Variants in EBF1 observed in about 807,000 individuals in gnomAD.
EBF1 encodes transcription factor COE1.
EBF1 carries 10 observed loss-of-function variants against 68.4 expected under a neutral mutation model. That is an observed-to-expected ratio of 0.15 (90% CI 0.09 to 0.25). The LOEUF (loss-of-function observed/expected upper bound fraction) is 0.25, where lower values mean the gene tolerates loss of function less well. EBF1 is among the 10% of genes least tolerant of loss of function. The pLI is 1.00. For missense variants in EBF1, 509 were observed against 794.4 expected (o/e 0.64, Z 4.32); for synonymous variants, 298 against 299.8 (o/e 0.99, Z 0.06).
At chr5:158,802,228 A>G (rs1483498516) in intron 8 of EBF1, among the ~76,000 whole-genome samples, 3 of 152,100 alleles carry the variant, frequency 2.0e-5, no homozygotes, top group Non-Finnish European at 1.5e-5. Context: ...TTCAGCATTT[A>G]TCATATCTTA....
intron 6 of EBF1, among the ~76,000 whole-genome samples, chr5:159,006,085 C>T (rs184651119): frequency 7.6e-4 from 115 of 152,258 alleles, no homozygotes; most frequent in Non-Finnish European, 1.3e-3. Flanking sequence ...TTATGGATAA[C>T]GGTATAGAGG....
chr5:158,752,231 A>G (rs1028922228), intron 10 of EBF1, among the ~76,000 whole-genome samples: 1 of 151,842 alleles, frequency 6.6e-6, no homozygotes, highest in Non-Finnish European at 1.5e-5. Context: ...AAGAACTAGG[A>G]TTGAAGTATC....
At chr5:159,073,016 T>C (rs976567428) in intron 6 of EBF1, among the ~76,000 whole-genome samples, 10 of 152,228 alleles carry the variant, frequency 6.6e-5, no homozygotes, top group Admixed American at 6.5e-5. Flanking sequence ...AAAGTGATAA[T>C]GATTCAAACA....
intron 6 of EBF1, among the ~76,000 whole-genome samples, chr5:158,925,561 G>C (rs1003408565): frequency 6.6e-6 from 1 of 152,112 alleles, no homozygotes; most frequent in South Asian, 2.1e-4. Flanking sequence ...TCCTTCCACT[G>C]GCCACCATGT....
intron 9 of EBF1, among the ~76,000 whole-genome samples, chr5:158,787,285 C>G (rs1207087189): frequency 6.6e-6 from 1 of 152,138 alleles, no homozygotes; most frequent in Non-Finnish European, 1.5e-5. Context: ...TCTGTGTTTG[C>G]TTTTTCGGCT....
intron 10 of EBF1, among the ~76,000 whole-genome samples, chr5:158,776,098 C>T (rs1775183102): frequency 6.6e-6 from 1 of 152,120 alleles, no homozygotes; most frequent in African/African-American, 2.4e-5. Context: ...ATTTCTTGAA[C>T]TCAGTGTGAA....
intron 7 of EBF1, among the ~76,000 whole-genome samples, chr5:158,838,442 T>A (rs1789354088): frequency 1.5e-5 from 1 of 64,798 alleles, no homozygotes; most frequent in African/African-American, 5.4e-5. Flanking sequence ...CAAGACTCCA[T>A]CTCAAAAAAA....
At chr5:158,717,622 C>T (rs1761026389) in intron 11 of EBF1, among the ~76,000 whole-genome samples, 2 of 151,656 alleles carry the variant, frequency 1.3e-5, no homozygotes, top group African/African-American at 4.9e-5. Flanking sequence ...ATAATTAATC[C>T]TATCCTTGGA....
chr5:158,942,504 A>C (rs543672510), intron 6 of EBF1, among the ~76,000 whole-genome samples: 1 of 152,354 alleles, frequency 6.6e-6, no homozygotes, highest in East Asian at 1.9e-4. Flanking sequence ...AGCCCTCAAC[A>C]AATGAGAGTC....
At chr5:158,951,991 G>A (rs373014358) in intron 6 of EBF1, among the ~76,000 whole-genome samples, 1 of 152,058 alleles carries the variant, frequency 6.6e-6, no homozygotes, top group East Asian at 1.9e-4. Flanking sequence ...AAATGAAGTC[G>A]ACTACCGAGC....
intron 6 of EBF1, among the ~76,000 whole-genome samples, chr5:159,022,816 T>C (rs1367993934): frequency 6.6e-6 from 1 of 151,048 alleles, no homozygotes; most frequent in Non-Finnish European, 1.5e-5. Context: ...AACGGACAGA[T>C]GGACAGAGAG....
intron 6 of EBF1, among the ~76,000 whole-genome samples, chr5:159,013,546 A>G (rs924072962): frequency 4.6e-5 from 7 of 152,214 alleles, no homozygotes; most frequent in Admixed American, 1.3e-4. Context: ...AAGGACCCCA[A>G]GGTACAGGGA....
chr5:158,781,933 T>C (rs1341026205), intron 9 of EBF1, among the ~76,000 whole-genome samples: 6 of 152,168 alleles, frequency 3.9e-5, no homozygotes, highest in African/African-American at 1.2e-4. Context: ...GCCTATTACA[T>C]AGTTCAAACT....
intron 6 of EBF1, among the ~76,000 whole-genome samples, chr5:158,937,258 G>A (rs1387132019): frequency 2.0e-5 from 3 of 152,004 alleles, no homozygotes; most frequent in Non-Finnish European, 4.4e-5. Context: ...ACCCAACCTG[G>A]TTTAGCATCA....
intron 11 of EBF1, among the ~76,000 whole-genome samples, chr5:158,725,838 G>A (rs754660103): frequency 1.3e-4 from 20 of 152,150 alleles, no homozygotes; most frequent in African/African-American, 2.2e-4. Context: ...GGGGTTTCAC[G>A]TTTCTTAATC....
intron 8 of EBF1, among the ~76,000 whole-genome samples, chr5:158,801,428 A>G (rs1245047018): frequency 6.6e-6 from 1 of 152,138 alleles, no homozygotes; most frequent in East Asian, 1.9e-4. Context: ...TGCTAGCAGC[A>G]GGCACACATT....
chr5:158,946,221 C>T (rs936305880), intron 6 of EBF1, among the ~76,000 whole-genome samples: 3 of 152,080 alleles, frequency 2.0e-5, no homozygotes, highest in African/African-American at 7.2e-5. Flanking sequence ...TGTTTTGTTC[C>T]CTTGCTGGCG....
intron 6 of EBF1, among the ~76,000 whole-genome samples, chr5:158,963,852 A>C (rs1184150139): frequency 1.3e-5 from 2 of 152,084 alleles, no homozygotes; most frequent in Non-Finnish European, 2.9e-5. Context: ...ACATTTATTG[A>C]TTTCATTCTT....
intron 15 of EBF1, among the ~76,000 whole-genome samples, chr5:158,704,815 A>C (rs1374560665): frequency 6.6e-6 from 1 of 152,194 alleles, no homozygotes; most frequent in Non-Finnish European, 1.5e-5. Context: ...GGCAAGTCCC[A>C]GAGTGTGGGC....
Sources: gnomAD v4.1 joint callset for allele counts (sites outside exome capture counted in the v4.1 genomes callset) on GRCh38, gnomAD v4.1.1 for gene constraint, MANE v1.5 for transcripts, NCBI Gene and HGNC (gene_info 2026-07-23, HGNC 2026-07-21) for gene names.